Variants in KCND2 observed in about 807,000 individuals in gnomAD.
KCND2 encodes potassium voltage-gated channel subfamily D member 2, also known as A-type voltage-gated potassium channel KCND2.
KCND2 carries 16 observed loss-of-function variants against 54.4 expected under a neutral mutation model. The observed-to-expected ratio is 0.29, with a 90% confidence interval of 0.20 to 0.45. The LOEUF (loss-of-function observed/expected upper bound fraction) is 0.45. KCND2 is among the 20% of genes least tolerant of loss of function. The pLI, the probability that KCND2 is intolerant of heterozygous loss-of-function variation, is 1.00. For missense variants in KCND2, 486 were observed against 824.2 expected (o/e 0.59, Z 5.02); for synonymous variants, 317 against 310.7 (o/e 1.02, Z -0.21).
At chr7:120,527,161 G>T (rs1303147966) in intron 1 of KCND2, among the ~76,000 whole-genome samples, 2 of 152,066 alleles carry the variant, frequency 1.3e-5, no homozygotes, top group African/African-American at 2.4e-5. Flanking sequence ...CTATTTTATG[G>T]TGTTCTGGGA....
intron 1 of KCND2, among the ~76,000 whole-genome samples, chr7:120,354,055 G>C (rs1403286240): frequency 6.6e-6 from 1 of 152,078 alleles, no homozygotes; most frequent in Non-Finnish European, 1.5e-5. Flanking sequence ...TCATATGAAA[G>C]TACACTTATT....
intron 1 of KCND2, among the ~76,000 whole-genome samples, chr7:120,684,145 TC>T (rs1175346211): frequency 6.6e-6 from 1 of 152,148 alleles, no homozygotes; most frequent in Non-Finnish European, 1.5e-5. Context: ...GCTTCTGTCA[TC>T]ACAGAGCCTA....
At chr7:120,304,413 G>A (rs1799622619) in intron 1 of KCND2, among the ~76,000 whole-genome samples, 1 of 152,158 alleles carries the variant, frequency 6.6e-6, no homozygotes, top group Admixed American at 6.6e-5. Context: ...TTTTCTTGGT[G>A]AGACTGCATA....
chr7:120,518,297 T>C (rs759722291), intron 1 of KCND2, among the ~76,000 whole-genome samples: 7 of 152,182 alleles, frequency 4.6e-5, no homozygotes, highest in Non-Finnish European at 7.3e-5. Flanking sequence ...GACTATATAG[T>C]GTTAAGTCAC....
At chr7:120,463,131 T>C (rs183627390) in intron 1 of KCND2, among the ~76,000 whole-genome samples, 1 of 152,210 alleles carries the variant, frequency 6.6e-6, no homozygotes, top group Admixed American at 6.5e-5. Flanking sequence ...ATCCACTTTT[T>C]AGATGTATTC....
intron 1 of KCND2, among the ~76,000 whole-genome samples, chr7:120,483,711 A>G (rs1340226494): frequency 6.6e-6 from 1 of 152,174 alleles, no homozygotes; most frequent in African/African-American, 2.4e-5. Flanking sequence ...TAATAGGGTA[A>G]AGGAGTCAGT....
intron 1 of KCND2, among the ~76,000 whole-genome samples, chr7:120,606,559 T>G (rs1287374116): frequency 6.6e-6 from 1 of 152,070 alleles, no homozygotes; most frequent in Non-Finnish European, 1.5e-5. Flanking sequence ...TTATATATAG[T>G]ACGCAGAAGG....
chr7:120,746,199 A>G (rs1209071964), intron 5 of KCND2, among the ~76,000 whole-genome samples, 172 bp downstream of exon 5: 1 of 152,160 alleles, frequency 6.6e-6, no homozygotes, highest in Non-Finnish European at 1.5e-5. Flanking sequence ...CATATCCATT[A>G]AGGGTTAAAA....
rs57782986 is a variant in KCND2, at chr7:120,622,149, T to C, written c.1116-110754T>C. Among the ~76,000 whole-genome samples, 1,505 of 152,240 alleles carry C rather than the reference T, an allele frequency of 9.9e-3. 32 individuals carry two copies. Among genetic ancestry groups the C allele is most frequent in the African/African-American group, 0.034 (1,427 of 41,532 alleles). On this transcript the variant is annotated intron_variant, in intron 1 of 5. Transcript: ENST00000331113. The stretch of plus-strand genomic sequence containing the variant: ...ATGTCACTTATCCCAAAATAAATAG[T>C]CCTCTACTTAGGCAAATGGTTTATT...
At chr7:120,721,856 G>C (rs1286279642) in intron 1 of KCND2, among the ~76,000 whole-genome samples, 2 of 152,078 alleles carry the variant, frequency 1.3e-5, no homozygotes, top group South Asian at 4.1e-4. Flanking sequence ...GTTGTGGGAG[G>C]GACCCGGTAG....
intron 1 of KCND2, among the ~76,000 whole-genome samples, chr7:120,530,086 AAGAG>A (rs767853322): frequency 3.9e-5 from 6 of 152,208 alleles, no homozygotes; most frequent in Admixed American, 3.3e-4. Context: ...AAAAAAATAA[AAGAG>A]AGAAATAATT....
At chr7:120,671,944 C>T (rs551088543) in intron 1 of KCND2, among the ~76,000 whole-genome samples, 5 of 152,222 alleles carry the variant, frequency 3.3e-5, no homozygotes, top group African/African-American at 1.2e-4. Flanking sequence ...ACTTCCTCAA[C>T]TTATCCCCAC....
chr7:120,284,597 A>G (rs977393527), intron 1 of KCND2, among the ~76,000 whole-genome samples: 1 of 152,274 alleles, frequency 6.6e-6, no homozygotes, highest in East Asian at 1.9e-4. Context: ...GCTTTAGTCT[A>G]GAAGTATTAG....
chr7:120,362,139 A>T (rs1800601244), intron 1 of KCND2, among the ~76,000 whole-genome samples: 1 of 152,152 alleles, frequency 6.6e-6, no homozygotes, highest in South Asian at 2.1e-4. Context: ...ATTACAGCTA[A>T]GTCTGTAGTA....
intron 1 of KCND2, among the ~76,000 whole-genome samples, chr7:120,301,593 C>G (rs950192156): frequency 6.6e-6 from 1 of 151,718 alleles, no homozygotes; most frequent in Non-Finnish European, 1.5e-5. Flanking sequence ...TGAATATTGC[C>G]ACATTGTTGG....
chr7:120,537,071 A>C (rs1295077375), intron 1 of KCND2, among the ~76,000 whole-genome samples: 1 of 152,122 alleles, frequency 6.6e-6, no homozygotes, highest in Admixed American at 6.5e-5. Context: ...ATCACTCTCT[A>C]TGTCAGCTAT....
chr7:120,384,964 T>A (rs1800966671), intron 1 of KCND2, among the ~76,000 whole-genome samples: 1 of 151,958 alleles, frequency 6.6e-6, no homozygotes, highest in Admixed American at 6.6e-5. Flanking sequence ...TCCTGGTTAC[T>A]TTTCTTTGTG....
chr7:120,667,338 G>T (rs952396770), intron 1 of KCND2, among the ~76,000 whole-genome samples: 5 of 152,020 alleles, frequency 3.3e-5, no homozygotes, highest in African/African-American at 4.8e-5. Flanking sequence ...TACTTACAAA[G>T]TCTTCTGTAC....
chr7:120,403,785 A>G (rs1008321559), intron 1 of KCND2, among the ~76,000 whole-genome samples: 3 of 152,114 alleles, frequency 2.0e-5, no homozygotes, highest in African/African-American at 7.2e-5. Context: ...TCAGAGTGAC[A>G]TTTTAAAATG....
Sources: gnomAD v4.1 joint callset for allele counts (sites outside exome capture counted in the v4.1 genomes callset) on GRCh38, gnomAD v4.1.1 for gene constraint, MANE v1.5 for transcripts, NCBI Gene and HGNC (gene_info 2026-07-23, HGNC 2026-07-21) for gene names.